Variants in NDUFS4 observed in about 807,000 individuals in gnomAD.
NDUFS4 encodes the protein NADH dehydrogenase [ubiquinone] iron-sulfur protein 4, mitochondrial.
A neutral mutation model predicts 24.3 loss-of-function variants in NDUFS4; 28 were observed. That is an observed-to-expected ratio of 1.15 (90% CI 0.85 to 1.58). The LOEUF is 1.58. NDUFS4 is among the 40% of genes most tolerant of loss of function. The pLI is 0.00. For missense variants in NDUFS4, 223 were observed against 207.9 expected (o/e 1.07, Z -0.45); for synonymous variants, 93 against 69.7 (o/e 1.34, Z -1.67).
chr5:53,591,825 A>T (rs1164196929), intron 1 of NDUFS4, among the ~76,000 whole-genome samples: 1 of 152,134 alleles, frequency 6.6e-6, no homozygotes, highest in Non-Finnish European at 1.5e-5. Flanking sequence ...TATGATATTG[A>T]GCACTTTTTC....
intron 4 of NDUFS4, among the ~76,000 whole-genome samples, chr5:53,673,323 CTT>C (rs764220381): frequency 6.6e-6 from 1 of 152,074 alleles, no homozygotes; most frequent in African/African-American, 2.4e-5. Context: ...AAGAATGTAT[CTT>C]TGTGATTTTC....
chr5:53,646,081 A>G (rs1215429057), intron 2 of NDUFS4, 152 bp from the exon 3 acceptor site: 4 of 649,510 alleles, frequency 6.2e-6, no homozygotes, highest in African/African-American at 1.8e-5. Flanking sequence ...TTACATTGTA[A>G]AGTATCAGAA....
At chr5:53,566,644 T>G (rs1749036510) in intron 1 of NDUFS4, among the ~76,000 whole-genome samples, 1 of 152,194 alleles carries the variant, frequency 6.6e-6, no homozygotes, top group Non-Finnish European at 1.5e-5. Flanking sequence ...GCTCAAGTCC[T>G]TGATTTAAGA....
chr5:53,562,396 T>C (rs1045579080), intron 1 of NDUFS4, among the ~76,000 whole-genome samples: 20 of 152,204 alleles, frequency 1.3e-4, no homozygotes, highest in African/African-American at 4.3e-4. Context: ...CACTGGTTTA[T>C]GGCTAATCAA....
intron 2 of NDUFS4, among the ~76,000 whole-genome samples, chr5:53,628,104 T>C (rs1469374918): frequency 1.3e-5 from 2 of 152,232 alleles, no homozygotes; most frequent in Non-Finnish European, 2.9e-5. Context: ...CTGTTGAATT[T>C]TGTCGAAGGC....
At position 53,638,603 on chromosome 5, in the gene NDUFS4, T is replaced by G. The variant is rs73754272; in HGVS notation, c.178-7630T>G. 7.3e-3 allele frequency among the ~76,000 whole-genome samples: 1,110 copies of G among 152,132 alleles called. 13 individuals carry two copies. The highest frequency in any genetic ancestry group is 0.026 in the African/African-American group (1,059 of 41,526). On this transcript the variant is annotated intron_variant, in intron 2 of 4. Coordinates refer to ENST00000296684, the MANE Select transcript of NDUFS4 (RefSeq NM_002495.4). Reference sequence around the variant, plus strand: ...AGAAAAAAATAACTATCAGGTACTATGCTTAGTACCTGGGTGATGAAATAA... The same window carrying G: ...AGAAAAAAATAACTATCAGGTACTAGGCTTAGTACCTGGGTGATGAAATAA...
intron 1 of NDUFS4, among the ~76,000 whole-genome samples, chr5:53,581,045 C>T (rs1749553573): frequency 6.6e-6 from 1 of 152,032 alleles, no homozygotes; most frequent in Admixed American, 6.6e-5. Context: ...GTTGGTCTGG[C>T]TGGTCTTGAG....
intron 1 of NDUFS4, among the ~76,000 whole-genome samples, chr5:53,568,612 A>G (rs912738901): frequency 6.6e-6 from 1 of 152,172 alleles, no homozygotes; most frequent in African/African-American, 2.4e-5. Flanking sequence ...AGCAGGCCAT[A>G]TTACTCTCTC....
At chr5:53,676,648 G>A (rs1049593513) in intron 4 of NDUFS4, among the ~76,000 whole-genome samples, 14 of 152,146 alleles carry the variant, frequency 9.2e-5, no homozygotes, top group Non-Finnish European at 1.2e-4. Context: ...GCACTAAATA[G>A]AGCACAAAAA....
chr5:53,669,959 A>C (rs1752619258), intron 4 of NDUFS4, among the ~76,000 whole-genome samples: 1 of 152,140 alleles, frequency 6.6e-6, no homozygotes, highest in African/African-American at 2.4e-5. Flanking sequence ...CTGAAGAAAG[A>C]AAGCTATAGT....
At chr5:53,649,834 A>G (rs1190106418) in intron 3 of NDUFS4, among the ~76,000 whole-genome samples, 1 of 152,218 alleles carries the variant, frequency 6.6e-6, no homozygotes. Flanking sequence ...CATCCTTGCC[A>G]ACAATAGCCA....
intron 4 of NDUFS4, among the ~76,000 whole-genome samples, chr5:53,661,782 C>T (rs1752350809): frequency 1.1e-5 from 1 of 89,384 alleles, no homozygotes; most frequent in African/African-American, 4.8e-5. Context: ...AATGGGAGTT[C>T]ACTCATGATT....
chr5:53,637,644 A>AT (rs1374868525), intron 2 of NDUFS4, among the ~76,000 whole-genome samples: 1 of 152,158 alleles, frequency 6.6e-6, no homozygotes, highest in African/African-American at 2.4e-5. Context: ...ATTTCCTTAA[A>AT]TCTGGAAAAC....
At chr5:53,669,261 C>T (rs1429792641) in intron 4 of NDUFS4, among the ~76,000 whole-genome samples, 1 of 152,104 alleles carries the variant, frequency 6.6e-6, no homozygotes, top group African/African-American at 2.4e-5. Flanking sequence ...TAGACAAATT[C>T]CTCAACTGAT....
At chr5:53,619,742 C>T (rs1750972957) in intron 2 of NDUFS4, among the ~76,000 whole-genome samples, 1 of 151,904 alleles carries the variant, frequency 6.6e-6, no homozygotes, top group African/African-American at 2.4e-5. Context: ...AATTGTTTTA[C>T]AGTTTTTTAT....
chr5:53,645,457 A>G (rs755316232), intron 2 of NDUFS4, among the ~76,000 whole-genome samples: 1 of 152,160 alleles, frequency 6.6e-6, no homozygotes, highest in African/African-American at 2.4e-5. Flanking sequence ...GACTGCTACT[A>G]TGTTTTGATA....
intron 1 of NDUFS4, among the ~76,000 whole-genome samples, chr5:53,568,298 C>T (rs1475572393): frequency 1.3e-5 from 2 of 151,910 alleles, no homozygotes; most frequent in African/African-American, 2.4e-5. Flanking sequence ...GATGCCTTGC[C>T]CCCCAGTCTA....
intron 2 of NDUFS4, among the ~76,000 whole-genome samples, chr5:53,618,256 C>T (rs1043144377): frequency 1.1e-4 from 16 of 151,326 alleles, no homozygotes; most frequent in African/African-American, 3.1e-4. Context: ...GCCTGGGTGA[C>T]GGAGTGAGAC....
At chr5:53,632,066 T>C (rs1751426474) in intron 2 of NDUFS4, among the ~76,000 whole-genome samples, 2 of 152,204 alleles carry the variant, frequency 1.3e-5, no homozygotes, top group Non-Finnish European at 2.9e-5. Flanking sequence ...CCCAGTGAGA[T>C]GAACCAGGTA....
Sources: allele counts gnomAD v4.1 joint callset (sites outside exome capture counted in the v4.1 genomes callset), GRCh38; gene constraint gnomAD v4.1.1; transcripts MANE v1.5; gene names NCBI Gene and HGNC (gene_info 2026-07-23, HGNC 2026-07-21).